DZIP1: variants seen among roughly 807,000 people sequenced by gnomAD.
DZIP1 encodes the protein DAZ interacting zinc finger protein 1.
In DZIP1, 97 loss-of-function variants were observed where a neutral mutation model predicts 107.6. That is an observed-to-expected ratio of 0.90 (90% CI 0.77 to 1.07). DZIP1 has a LOEUF of 1.07. Among genes scored for constraint, DZIP1 ranks in the 50% least tolerant of loss-of-function variants. The pLI, the probability that DZIP1 is intolerant of heterozygous loss-of-function variation, is 0.00. For synonymous variants in DZIP1, 390 were observed against 386.4 expected, an observed-to-expected ratio of 1.01 and a Z score of -0.11; for missense variants, 1,035 against 1,063.6, an observed-to-expected ratio of 0.97 and a Z score of 0.37.
At chr13:95,638,386 A>T (rs970904456) in intron 5 of DZIP1, among the ~76,000 whole-genome samples, 1 of 152,034 alleles carries the variant, frequency 6.6e-6, no homozygotes, top group Non-Finnish European at 1.5e-5. Context: ...CACTGCGCCC[A>T]GCCTAACCTG....
chr13:95,585,323 T>C (rs1434838375), intron 21 of DZIP1, among the ~76,000 whole-genome samples: 1 of 152,184 alleles, frequency 6.6e-6, no homozygotes, highest in Admixed American at 6.5e-5. Context: ...AACTGAAAGG[T>C]GCACACAGTT....
At chr13:95,638,149 G>T (rs1178611591) in intron 5 of DZIP1, among the ~76,000 whole-genome samples, 2 of 147,510 alleles carry the variant, frequency 1.4e-5, no homozygotes, top group Non-Finnish European at 3.0e-5. Context: ...GAGAGCAATG[G>T]CGTGATCCCA....
At position 95,582,246 on chromosome 13, in the gene DZIP1, A is replaced by G. The variant is rs1462772534; in HGVS notation, c.2592T>C (p.Thr864=). 1 of 1,614,086 alleles carries G rather than the reference A, an allele frequency of 6.2e-7. No homozygotes were observed. Among genetic ancestry groups the G allele is most frequent in the South Asian group, 1.1e-5 (1 of 91,082 alleles). ...CTGACATGTGGAATTAGACATCTGA[A>G]GTGTCGCTCCAATCAGTCACAGTTA... ...SLVTVTDWSD[T]SDV The change falls in exon 23 of 23, where the codon ACT becomes ACC. Residue 864 remains threonine, a synonymous_variant. Transcript: ENST00000376829.
At chr13:95,594,212 T>C in intron 15 of DZIP1, 126 bp from the exon 16 acceptor site, 2 of 797,458 alleles carry the variant, frequency 2.5e-6, no homozygotes, top group Non-Finnish European at 3.9e-6. Flanking sequence ...TTTAAAGTTT[T>C]TGGATATTTT....
intron 14 of DZIP1, 55 bp downstream of exon 14, chr13:95,605,948 T>C: frequency 1.3e-6 from 2 of 1,550,794 alleles, no homozygotes; most frequent in South Asian, 2.3e-5. Context: ...TAATAAGTTA[T>C]CCAACTCAGG....
At position 95,587,678 on chromosome 13, in the gene DZIP1, C is replaced by T. The variant is rs1566360768; in HGVS notation, c.2079G>A (p.Arg693=). The stretch of plus-strand genomic sequence containing the variant: ...GAAGTGGGCCTGGGGATGCGTATGC[C>T]CGGATGAGGTCGTCGTCCTCCTGCT... ...EEEQEDDDLI[R]AYASPGPLPV... Residue 693 remains arginine, a synonymous_variant, in exon 20 of 23, where the codon CGG becomes CGA. Transcript: ENST00000376829. The T allele has an allele frequency of 6.2e-7, 1 of 1,613,934 alleles. No individual in the cohort carries two copies. Among genetic ancestry groups the T allele is most frequent in the Admixed American group, 1.7e-5 (1 of 59,994 alleles).
intron 18 of DZIP1, 121 bp from the exon 19 acceptor site, chr13:95,589,328 A>G: frequency 1.4e-6 from 1 of 731,700 alleles, no homozygotes; most frequent in Non-Finnish European, 2.3e-6. Flanking sequence ...GAGCAGCAAC[A>G]AAAGTCACCC....
chr13:95,608,896 T>C (rs1199923927), intron 13 of DZIP1, among the ~76,000 whole-genome samples: 1 of 152,258 alleles, frequency 6.6e-6, no homozygotes, highest in Non-Finnish European at 1.5e-5. Flanking sequence ...TACCTGCCCT[T>C]ACTCCTTCCT....
intron 16 of DZIP1, among the ~76,000 whole-genome samples, chr13:95,591,060 G>A (rs926818129): frequency 7.6e-5 from 10 of 131,780 alleles, no homozygotes; most frequent in East Asian, 6.5e-4. Context: ...ACAGAGTCTC[G>A]CCCTGTTGCC....
In DZIP1 at chr13:95,582,360, C is replaced by G. The variant is rs370339462; in HGVS notation, c.2525-47G>C. The G allele has an allele frequency of 6.9e-6, 10 of 1,447,006 alleles. No homozygotes were observed. In the African/African-American group the frequency reaches 1.3e-4, roughly 18 times the overall value. 89.6% of individuals were successfully genotyped at this position (1,447,006 alleles called of 1,614,324 possible). On this transcript the variant is annotated intron_variant, in intron 22 of 22. Transcript: ENST00000376829. ...AGAAGAGAAGGCCTCAATGGTTAAA[C>G]AAGCACATTGTCAAGTCTATAAAAA...
chr13:95,592,219 C>G (rs568644333), intron 16 of DZIP1, among the ~76,000 whole-genome samples: 2 of 151,792 alleles, frequency 1.3e-5, no homozygotes, highest in African/African-American at 4.8e-5. Context: ...ACAAAATAAG[C>G]AAAACAACAA....
At chr13:95,608,458 T>TG (rs2044857005) in intron 13 of DZIP1, among the ~76,000 whole-genome samples, 2 of 151,434 alleles carry the variant, frequency 1.3e-5, no homozygotes, top group East Asian at 3.8e-4. Flanking sequence ...TTTTTTTTTT[T>TG]TTTGGTTTTT....
intron 14 of DZIP1, among the ~76,000 whole-genome samples, chr13:95,603,408 T>A (rs948770266): frequency 6.7e-6 from 1 of 150,066 alleles, no homozygotes; most frequent in Non-Finnish European, 1.5e-5. Context: ...CCCCTCACAA[T>A]TTATAGACCA....
At chr13:95,586,243 G>A in intron 20 of DZIP1, 107 bp from the exon 21 acceptor site, 1 of 859,930 alleles carries the variant, frequency 1.2e-6, no homozygotes, top group Non-Finnish European at 1.6e-6. Context: ...AGCTTTGGAA[G>A]TAATTATGTA....
chr13:95,589,847 C>T lies in DZIP1; in HGVS notation c.1929G>A (p.Leu643=), dbSNP rs141099649. The change falls in exon 18 of 23, where the codon CTG becomes CTA. Residue 643 remains leucine, a synonymous_variant. Coordinates refer to ENST00000376829, the MANE Select transcript of DZIP1 (RefSeq NM_198968.4). ...CAGTAGAAACAGCTTTTTGTCTAAT[C>T]AGTTGTCTGTTTTTGGAAGGAAGTT... ...MIQLPSKNRQ[L]IRQKAVSTDR... is the part of the protein sequence containing the mutation. 5.5e-5 allele frequency: 88 copies of T among 1,614,060 alleles called. No homozygotes were observed. The African/African-American group carries it at 8.7e-4, about 16-fold the overall frequency.
At chr13:95,638,291 T>C (rs1448484207) in intron 5 of DZIP1, among the ~76,000 whole-genome samples, 2 of 152,050 alleles carry the variant, frequency 1.3e-5, no homozygotes, top group African/African-American at 2.4e-5. Flanking sequence ...GGTTATACCA[T>C]GTTGGCCAGG....
Position 95,643,682 on chromosome 13 carries a change from G to A in DZIP1, c.-509C>T, listed in dbSNP as rs576075223. 1 of 152,820 alleles carries A rather than the reference G, an allele frequency of 6.5e-6. No homozygotes were observed. Among genetic ancestry groups the A allele is most frequent in the African/African-American group, 2.4e-5 (1 of 41,562 alleles). 9.5% of individuals were successfully genotyped at this position (152,820 alleles called of 1,614,324 possible). ...AAGAGCTGTGGTCTCTCTTGCTCAA[G>A]TATACGTCCCTAGAACCTAGCAGAG... On this transcript the variant is annotated 5_prime_UTR_variant, in exon 2 of 23. Transcript: ENST00000376829.
intron 15 of DZIP1, among the ~76,000 whole-genome samples, chr13:95,598,757 C>G (rs769617545): frequency 1.5e-4 from 23 of 152,042 alleles, no homozygotes; most frequent in African/African-American, 4.8e-4. Context: ...CATAATTAAA[C>G]CTTTCTTCAT....
intron 14 of DZIP1, among the ~76,000 whole-genome samples, chr13:95,599,970 C>T (rs754426926): frequency 6.6e-5 from 10 of 152,164 alleles, no homozygotes; most frequent in Admixed American, 3.9e-4. Context: ...ATGCATTTCA[C>T]GACCTAGTTC....
Sources: gnomAD v4.1 joint callset for allele counts (sites outside exome capture counted in the v4.1 genomes callset) on GRCh38, gnomAD v4.1.1 for gene constraint, MANE v1.5 for transcripts, NCBI Gene and HGNC (gene_info 2026-07-23, HGNC 2026-07-21) for gene names.